Variants in PCDHGA8 observed in about 807,000 individuals in gnomAD.
PCDHGA8 encodes protocadherin gamma subfamily A, 8.
In PCDHGA8, 45 loss-of-function variants were observed where a neutral mutation model predicts 59.2. The observed-to-expected ratio is 0.76, with a 90% CI of 0.60 to 0.98. The LOEUF is 0.98. Ranked by LOEUF, PCDHGA8 falls within the 50% of genes least tolerant of loss-of-function variation. The pLI is 0.00. For missense variants in PCDHGA8, 1,257 were observed against 1,196.2 expected, an observed-to-expected ratio of 1.05 and a Z score of -0.75; for synonymous variants, 531 against 519.0, an observed-to-expected ratio of 1.02 and a Z score of -0.32.
rs920444759 is a variant in PCDHGA8, at chr5:141,432,767, C to G, written c.2424+37530C>G. On this transcript the variant is annotated intron_variant, in intron 1 of 3. Transcript: ENST00000398604. The surrounding 1 kb of genome is among the most constrained non-coding windows in gnomAD (Gnocchi z 6.0). ...CGTGGCCGTGGCCGACAGCATCCCC[C>G]AAGTCCTGGCGGACCTCGGCAGCCT... 2 of 1,614,058 alleles carry G rather than the reference C, an allele frequency of 1.2e-6. No individual in the cohort carries two copies. Among genetic ancestry groups the G allele is most frequent in the Admixed American group, 1.7e-5 (1 of 60,012 alleles).
In PCDHGA8 at chr5:141,431,187, G is replaced by C. The variant is rs748150837; in HGVS notation, c.2424+35950G>C. On this transcript the variant is annotated intron_variant, in intron 1 of 3. Transcript: ENST00000398604. This position sits in a 1 kb window ranked among gnomAD's most constrained non-coding sequence, Gnocchi z 4.8. ...GAAAGTGAATTAGAAATAAAAATTAGTGAAAATGCAGCCACTGAGATGCGG... is the reference window on the plus strand; with the variant it reads ...GAAAGTGAATTAGAAATAAAAATTACTGAAAATGCAGCCACTGAGATGCGG... 4.3e-6 allele frequency: 7 copies of C among 1,614,102 alleles called. No homozygotes were observed. The Admixed American group carries it at 1.2e-4, about 27-fold the overall frequency.
chr5:141,478,497 CGGTGTTCTATAGGCA>C, intron 1 of PCDHGA8: 1 of 1,612,820 alleles, frequency 6.2e-7, no homozygotes, highest in South Asian at 1.1e-5. Flanking sequence ...AGCTGTGATC[CGGTGTTCTATAGGCA>C]GGTGTTGGGT....
At position 141,433,251 on chromosome 5, in the gene PCDHGA8, C is replaced by T. The variant is rs1022165468; in HGVS notation, c.2424+38014C>T. The T allele has an allele frequency of 1.1e-5, 16 of 1,423,126 alleles. No homozygotes were observed. In the East Asian group the frequency reaches 3.7e-4, roughly 33 times the overall value. 88.2% of individuals were successfully genotyped at this position (1,423,126 alleles called of 1,614,324 possible). A position where few individuals can be genotyped will look rare whatever the true frequency, so the allele number is the denominator to read the frequency against. ...CTCTGTCTCCCAAGCTGGAATGCAGCGGTACGATCATAGCTCACTGCAGCC... is the reference window on the plus strand; with the variant it reads ...CTCTGTCTCCCAAGCTGGAATGCAGTGGTACGATCATAGCTCACTGCAGCC... On this transcript the variant is annotated intron_variant, in intron 1 of 3. Transcript: ENST00000398604.
intron 1 of PCDHGA8, among the ~76,000 whole-genome samples, chr5:141,461,881 T>C (rs2099025428): frequency 6.6e-6 from 1 of 152,060 alleles, no homozygotes. Flanking sequence ...TGGAGTGCAA[T>C]GGCACGATCT....
intron 3 of PCDHGA8, among the ~76,000 whole-genome samples, chr5:141,506,700 G>GT (rs1446452157): frequency 2.0e-5 from 3 of 152,138 alleles, no homozygotes; most frequent in Admixed American, 1.3e-4. Context: ...ACCCAAACCC[G>GT]TTTTTTACTG....
intron 1 of PCDHGA8, among the ~76,000 whole-genome samples, chr5:141,435,383 G>A (rs1057246190): frequency 6.6e-6 from 1 of 152,016 alleles, no homozygotes; most frequent in South Asian, 2.1e-4. Flanking sequence ...ACAATATACC[G>A]TATTGCCATG....
chr5:141,481,183 G>A (rs2099533234), intron 1 of PCDHGA8, among the ~76,000 whole-genome samples: 1 of 152,146 alleles, frequency 6.6e-6, no homozygotes, highest in African/African-American at 2.4e-5. Flanking sequence ...GCTTTATTGG[G>A]CCAGGCCCAA....
chr5:141,400,593 T>C (rs768255831), intron 1 of PCDHGA8: 1 of 1,602,992 alleles, frequency 6.2e-7, no homozygotes, highest in Admixed American at 1.7e-5. Flanking sequence ...GAAACTATCG[T>C]ACATTTTCAA....
rs1375291090 is a variant in PCDHGA8 at position 141,392,672 on chromosome 5, T to C, written c.-142T>C. On this transcript the variant is annotated 5_prime_UTR_variant, in exon 1 of 4. Transcript: ENST00000398604. ...CCCGCAGATGCCACAAACTAACTGC[T>C]GGACTGCAGCGAAACCCGACCCCTG... is the stretch of plus-strand genomic sequence containing the variant. The C allele has an allele frequency of 4.5e-6, 4 of 880,364 alleles. No homozygotes were observed. The highest frequency in any genetic ancestry group is 6.7e-6 in the Non-Finnish European group (4 of 601,266). 54.5% of individuals were successfully genotyped at this position (880,364 alleles called of 1,614,324 possible). A position where few individuals can be genotyped will look rare whatever the true frequency, so the allele number is the denominator to read the frequency against.
intron 1 of PCDHGA8, among the ~76,000 whole-genome samples, chr5:141,451,364 C>T (rs970149151): frequency 3.9e-5 from 6 of 152,078 alleles, no homozygotes; most frequent in Middle Eastern, 3.2e-3. Context: ...AGGATGGATC[C>T]GCTTCTAATC....
At chr5:141,455,534 A>G (rs985347185) in intron 1 of PCDHGA8, among the ~76,000 whole-genome samples, 1 of 152,178 alleles carries the variant, frequency 6.6e-6, no homozygotes, top group Non-Finnish European at 1.5e-5. Flanking sequence ...GACCAGGCAT[A>G]TCATTCACGT....
At chr5:141,502,406 T>G (rs1390520101) in intron 2 of PCDHGA8, among the ~76,000 whole-genome samples, 1 of 152,072 alleles carries the variant, frequency 6.6e-6, no homozygotes, top group African/African-American at 2.4e-5. Context: ...TCCCCGAACC[T>G]GGATTTGCTG....
intron 1 of PCDHGA8, chr5:141,413,762 C>A: frequency 1.2e-6 from 2 of 1,612,894 alleles, no homozygotes; most frequent in Non-Finnish European, 8.5e-7. Flanking sequence ...GTCAAGTACC[C>A]GGAGCTGGTA....
At chr5:141,408,378 TG>T (rs780092463) in intron 1 of PCDHGA8, 2 of 1,614,002 alleles carry the variant, frequency 1.2e-6, no homozygotes, top group Admixed American at 1.7e-5. Flanking sequence ...CTCAGTGTCC[TG>T]GATGTGTCGG....
At chr5:141,399,901 G>A (rs767228671) in intron 1 of PCDHGA8, 42 of 1,612,296 alleles carry the variant, frequency 2.6e-5, no homozygotes, top group African/African-American at 1.3e-5. Flanking sequence ...GGCCGTGGAC[G>A]CAGACTCAGG....
rs761202330 is a variant in PCDHGA8 at position 141,489,878 on chromosome 5, C to T, written c.2425-4929C>T. 1.1e-5 allele frequency: 17 copies of T among 1,614,116 alleles called. No individual in the cohort carries two copies. In the East Asian group the frequency reaches 3.6e-4, roughly 34 times the overall value. On this transcript the variant is annotated intron_variant, in intron 1 of 3. Transcript: ENST00000398604. This position sits in a 1 kb window ranked among gnomAD's most constrained non-coding sequence, Gnocchi z 4.5. ...CAGGCAAGACATCAGCTGGTGCTTA[C>T]TGCTGTGGATGGGGGGACCCCAGCC... is the stretch of plus-strand genomic sequence containing the variant.
intron 1 of PCDHGA8, among the ~76,000 whole-genome samples, chr5:141,461,958 G>C (rs1048690044): frequency 4.5e-4 from 69 of 152,272 alleles, no homozygotes; most frequent in Non-Finnish European, 2.9e-4. Context: ...TGAGTAGCTG[G>C]GATTCCAGGC....
rs750014647 is a variant in PCDHGA8, at chr5:141,426,649, T to C, written c.2424+31412T>C. 53 of 418,716 alleles carry C rather than the reference T, an allele frequency of 1.3e-4. 1 individual carries two copies. Among genetic ancestry groups the C allele is most frequent in the South Asian group, 6.9e-4 (42 of 60,762 alleles). The allele number at this position is 418,716 out of a possible 1,614,324, so 25.9% of individuals were successfully genotyped here. On this transcript the variant is annotated intron_variant, in intron 1 of 3. Coordinates refer to ENST00000398604, the MANE Select transcript of PCDHGA8 (RefSeq NM_032088.2). Reference sequence around the variant, plus strand: ...AATGTTTTTCACATAAATGTGATGATAGAAGATATAAATGATAACCCACCT... The same window carrying C: ...AATGTTTTTCACATAAATGTGATGACAGAAGATATAAATGATAACCCACCT...
chr5:141,438,635 T>C (rs1325567714), intron 1 of PCDHGA8, among the ~76,000 whole-genome samples: 9 of 33,420 alleles, frequency 2.7e-4, no homozygotes, highest in East Asian at 1.8e-3. Flanking sequence ...TATATATATA[T>C]ACACACACAC....
Sources: allele counts gnomAD v4.1 joint callset (sites outside exome capture counted in the v4.1 genomes callset), GRCh38; gene constraint gnomAD v4.1.1; non-coding constraint Gnocchi (gnomAD v3.1); transcripts MANE v1.5; gene names NCBI Gene and HGNC (gene_info 2026-07-23, HGNC 2026-07-21).